CTNNBL1: variants seen among roughly 807,000 people sequenced by gnomAD.
CTNNBL1 encodes catenin beta like 1, also known as beta-catenin-like protein 1.
CTNNBL1 carries 31 observed loss-of-function variants against 72.7 expected under a neutral mutation model. That is an observed-to-expected ratio of 0.43 (90% confidence interval 0.32 to 0.58). CTNNBL1 has a LOEUF of 0.58. CTNNBL1 is among the 20% of genes least tolerant of loss of function. CTNNBL1 has a pLI of 0.08. For missense variants in CTNNBL1, 534 were observed against 725.1 expected, an observed-to-expected ratio of 0.74 and a Z score of 3.03; for synonymous variants, 240 against 267.3, an observed-to-expected ratio of 0.90 and a Z score of 1.00.
At chr20:37,781,782 C>A (rs1272242604) in intron 10 of CTNNBL1, among the ~76,000 whole-genome samples, 4 of 152,120 alleles carry the variant, frequency 2.6e-5, no homozygotes, top group Non-Finnish European at 5.9e-5. Context: ...ACTAGAAGTT[C>A]AGGAAAGTTT....
At chr20:37,807,023 G>A (rs1475142660) in intron 11 of CTNNBL1, among the ~76,000 whole-genome samples, 1 of 152,102 alleles carries the variant, frequency 6.6e-6, no homozygotes, top group Non-Finnish European at 1.5e-5. Flanking sequence ...ACACATCCTG[G>A]TTTGCCTCTT....
chr20:37,818,356 C>G (rs958340455), intron 11 of CTNNBL1, among the ~76,000 whole-genome samples: 1 of 152,138 alleles, frequency 6.6e-6, no homozygotes, highest in African/African-American at 2.4e-5. Context: ...TTGGGAGATC[C>G]TCCAGTCTCC....
At chr20:37,743,191 AGT>A (rs2073233314) in intron 3 of CTNNBL1, among the ~76,000 whole-genome samples, 1 of 149,732 alleles carries the variant, frequency 6.7e-6, no homozygotes, top group African/African-American at 2.5e-5. Context: ...CTCCCTTGCC[AGT>A]TCTTCCAAGT....
Position 37,732,866 on chromosome 20 carries a change from T to G in CTNNBL1, c.31-13T>G, listed in dbSNP as rs962272522. On this transcript the variant is annotated splice_polypyrimidine_tract_variant and intron_variant, in intron 1 of 15. Transcript: ENST00000361383. ...GTATCCAGCTCTAAAATCTTATGTT[T>G]CTTTTCTCTCAGCCCAATAGGGGCA... is the stretch of plus-strand genomic sequence containing the variant. 3.7e-6 allele frequency: 6 copies of G among 1,610,846 alleles called. No individual in the cohort carries two copies. Among genetic ancestry groups the G allele is most frequent in the Non-Finnish European group, 5.1e-6 (6 of 1,178,820 alleles).
intron 11 of CTNNBL1, among the ~76,000 whole-genome samples, chr20:37,810,848 G>C (rs2122752136): frequency 6.6e-6 from 1 of 152,206 alleles, no homozygotes; most frequent in East Asian, 1.9e-4. Flanking sequence ...TCCTGGTTCT[G>C]TCATTTACCA....
intron 10 of CTNNBL1, among the ~76,000 whole-genome samples, chr20:37,797,885 T>A (rs1188486175): frequency 6.6e-6 from 1 of 152,246 alleles, no homozygotes; most frequent in Non-Finnish European, 1.5e-5. Flanking sequence ...TCTTTGCATG[T>A]GCTCTTGTTT....
chr20:37,851,892 G>A (rs1313192530), intron 13 of CTNNBL1, among the ~76,000 whole-genome samples: 2 of 152,240 alleles, frequency 1.3e-5, no homozygotes, highest in African/African-American at 4.8e-5. Context: ...TGGGACTATG[G>A]AATCACATTC....
At chr20:37,736,905 C>T (rs2073176140) in intron 2 of CTNNBL1, among the ~76,000 whole-genome samples, 2 of 152,142 alleles carry the variant, frequency 1.3e-5, no homozygotes, top group South Asian at 4.1e-4. Flanking sequence ...CAGGCCCTTA[C>T]TCCTCATTGT....
intron 5 of CTNNBL1, among the ~76,000 whole-genome samples, chr20:37,760,448 CT>C (rs1330935604): frequency 6.6e-6 from 1 of 152,208 alleles, no homozygotes; most frequent in Non-Finnish European, 1.5e-5. Context: ...GACTCATCAC[CT>C]CAGCAGGATG....
intron 11 of CTNNBL1, among the ~76,000 whole-genome samples, chr20:37,823,528 A>G (rs1377287055): frequency 3.3e-5 from 5 of 152,210 alleles, no homozygotes; most frequent in Admixed American, 6.5e-5. Flanking sequence ...TAATGTGGGA[A>G]GAATAGGAGG....
intron 13 of CTNNBL1, among the ~76,000 whole-genome samples, chr20:37,853,845 A>G (rs1403885318): frequency 6.6e-6 from 1 of 152,228 alleles, no homozygotes. Context: ...TCAGCAGTAA[A>G]TATTCCATGC....
chr20:37,746,906 T>C (rs1248699304), intron 4 of CTNNBL1, among the ~76,000 whole-genome samples: 1 of 152,274 alleles, frequency 6.6e-6, no homozygotes, highest in African/African-American at 2.4e-5. Flanking sequence ...TTTCAGGATC[T>C]GGATTGGAAG....
intron 6 of CTNNBL1, 148 bp downstream of exon 6, chr20:37,765,438 C>T: frequency 3.4e-6 from 2 of 588,008 alleles, no homozygotes; most frequent in Non-Finnish European, 6.1e-6. Flanking sequence ...GAAATGAAGA[C>T]CTTTGTGTAA....
intron 7 of CTNNBL1, among the ~76,000 whole-genome samples, chr20:37,772,541 G>T (rs571829660): frequency 6.6e-6 from 1 of 152,244 alleles, no homozygotes; most frequent in Admixed American, 6.5e-5. Context: ...GTAGAGATGG[G>T]GTTTCACCGT....
intron 3 of CTNNBL1, among the ~76,000 whole-genome samples, chr20:37,744,351 C>T (rs2073243842): frequency 6.6e-6 from 1 of 152,170 alleles, no homozygotes; most frequent in Non-Finnish European, 1.5e-5. Context: ...TTTGACTTGT[C>T]CCTTTCCTTC....
chr20:37,718,477 C>T (rs2073011650), intron 1 of CTNNBL1, among the ~76,000 whole-genome samples: 1 of 143,376 alleles, frequency 7.0e-6, no homozygotes, highest in African/African-American at 2.6e-5. Context: ...CCCCCCACCT[C>T]CCTCCCAGAC....
At chr20:37,756,998 T>C (rs2073371169) in intron 4 of CTNNBL1, 1 of 152,292 alleles carries the variant, frequency 6.6e-6, no homozygotes, top group African/African-American at 2.4e-5. Flanking sequence ...TTAAATTCTG[T>C]ATTCTTCCTT....
intron 15 of CTNNBL1, among the ~76,000 whole-genome samples, chr20:37,866,855 G>A (rs941390697): frequency 4.6e-5 from 7 of 152,148 alleles, no homozygotes; most frequent in South Asian, 4.1e-4. Context: ...TAATCCTTTC[G>A]CCTGGAGTTA....
chr20:37,814,358 C>T (rs1011650702), intron 11 of CTNNBL1, among the ~76,000 whole-genome samples: 3 of 152,198 alleles, frequency 2.0e-5, no homozygotes, highest in African/African-American at 7.2e-5. Context: ...ACATTTCTCC[C>T]TGGCTCACTT....
Sources: allele counts gnomAD v4.1 joint callset (sites outside exome capture counted in the v4.1 genomes callset), GRCh38; gene constraint gnomAD v4.1.1; transcripts MANE v1.5; gene names NCBI Gene and HGNC (gene_info 2026-07-23, HGNC 2026-07-21).